The following NPC1L1 variants were observed in gnomAD, a reference collection of about 807,000 sequenced individuals.
NPC1L1 encodes NPC1 like intracellular cholesterol transporter 1.
NPC1L1 carries 98 observed loss-of-function variants against 117.0 expected under a neutral mutation model. That is an observed-to-expected ratio of 0.84 (90% CI 0.71 to 0.99). The LOEUF (loss-of-function observed/expected upper bound fraction) is 0.99, where lower values mean the gene tolerates loss of function less well. Among genes scored for constraint, NPC1L1 ranks in the 50% least tolerant of loss-of-function variants. The pLI, the probability that NPC1L1 is intolerant of heterozygous loss-of-function variation, is 0.00. For synonymous variants in NPC1L1, 729 were observed against 727.6 expected, an observed-to-expected ratio of 1.00 and a Z score of -0.03; for missense variants, 1,540 against 1,710.0, an observed-to-expected ratio of 0.90 and a Z score of 1.75.
In NPC1L1 at chr7:44,533,711, C is replaced by T. The variant is rs80345114; in HGVS notation, c.2281+28G>A. 7.1e-4 allele frequency: 1,137 copies of T among 1,611,290 alleles called. 7 individuals carry two copies. In the African/African-American group the frequency reaches 0.013, roughly 19 times the overall value. On this transcript the variant is annotated intron_variant, in intron 7 of 18. Transcript: ENST00000381160. The stretch of plus-strand genomic sequence containing the variant: ...GGCACTAACCCAGCAAGCCTAATGC[C>T]GAGTGGGGAGGTCTCACCCAGGCTC...
At chr7:44,518,653 A>C (rs1198463293) in intron 14 of NPC1L1, 1 of 1,130,056 alleles carries the variant, frequency 8.8e-7, no homozygotes. Flanking sequence ...TGGGTGACAG[A>C]ATGGCAACTG....
At chr7:44,527,083 TAAAC>T (rs1801539622) in intron 10 of NPC1L1, among the ~76,000 whole-genome samples, 1 of 152,110 alleles carries the variant, frequency 6.6e-6, no homozygotes, top group South Asian at 2.1e-4. Context: ...CATTCTCAGA[TAAAC>T]AAAAGCTGAA....
Position 44,516,929 on chromosome 7 carries a change from G to A in NPC1L1, c.3293C>T (p.Thr1098Ile). The change falls in exon 16 of 19, where the codon ACC becomes ATC. Residue 1098 changes from threonine to isoleucine, a missense_variant. Physicochemically the swap from Thr to Ile is moderately conservative, Grantham distance 89. Transcript: ENST00000381160. ...PAFEVFPYTI[T>I]NVFYEQYLTI... Reference sequence around the variant, plus strand: ...CAGGTACTGCTCATAAAACACATTGGTGATCCTGCCAGAGCACAGAGCATG... The same window carrying A: ...CAGGTACTGCTCATAAAACACATTGATGATCCTGCCAGAGCACAGAGCATG... The A allele has an allele frequency of 6.2e-7, 1 of 1,612,698 alleles. No homozygotes were observed. The highest frequency in any genetic ancestry group is 1.1e-5 in the South Asian group (1 of 90,898).
rs1289699700 is a variant in NPC1L1 at position 44,539,803 on chromosome 7, A to T, written c.594T>A (p.Asn198Lys). 6.2e-7 allele frequency: 1 copy of T among 1,614,124 alleles called. No individual in the cohort carries two copies. Among genetic ancestry groups the T allele is most frequent in the Non-Finnish European group, 8.5e-7 (1 of 1,180,018 alleles). Reference protein sequence around the residue: ...MCGVYGSALCNAQRWLNFQGD... With the variant: ...MCGVYGSALCKAQRWLNFQGD... ...CCTGGAAGTTGAGCCAGCGCTGGGCATTGCAAAGGGCAGAGCCATACACGC... is the reference window on the plus strand; with the variant it reads ...CCTGGAAGTTGAGCCAGCGCTGGGCTTTGCAAAGGGCAGAGCCATACACGC... Residue 198 changes from asparagine to lysine, a missense_variant, in exon 2 of 19, where the codon AAT becomes AAA. Physicochemically the swap from Asn to Lys is moderately conservative, Grantham distance 94. Transcript: ENST00000381160. The surrounding 1 kb of genome is among the most constrained non-coding windows in gnomAD (Gnocchi z 4.4).
Position 44,536,937 on chromosome 7 carries a change from G to T in NPC1L1, c.1586C>A (p.Pro529Gln). 6.2e-7 allele frequency: 1 copy of T among 1,613,654 alleles called. No homozygotes were observed. The highest frequency in any genetic ancestry group is 8.5e-7 in the Non-Finnish European group (1 of 1,179,752). ...KDHFLYCANA[P>Q]LTFKDGTALA... ...GGCTGTGCCATCCTTGAAGGTGAGC[G>T]GGGCACTAGAGGGAGATGACCGCAA... is the stretch of plus-strand genomic sequence containing the variant. The change falls in exon 3 of 19, where the codon CCG becomes CAG. Residue 529 changes from proline (P) to glutamine (Q), a missense_variant. Pro to Gln is a moderately conservative substitution (Grantham distance 76, BLOSUM62 -1). Transcript: ENST00000381160. The surrounding 1 kb of genome is among the most constrained non-coding windows in gnomAD (Gnocchi z 4.7).
intron 11 of NPC1L1, 96 bp from the exon 12 acceptor site, chr7:44,521,932 A>T (rs992295942): frequency 1.9e-5 from 31 of 1,602,712 alleles, no homozygotes; most frequent in Non-Finnish European, 2.6e-5. Flanking sequence ...CCCCAGGCAT[A>T]CGGCAGCAAG....
chr7:44,516,885 G>A lies in NPC1L1; in HGVS notation c.3337C>T (p.Leu1113Phe). The A allele has an allele frequency of 6.2e-7, 1 of 1,614,140 alleles. No homozygotes were observed. The highest frequency in any genetic ancestry group is 1.7e-4 in the Middle Eastern group (1 of 6,004). The change falls in exon 16 of 19, where the codon CTC (leucine) becomes TTC (phenylalanine). Residue 1113 changes from leucine (L) to phenylalanine (F), a missense_variant. Coordinates refer to ENST00000381160, the MANE Select transcript of NPC1L1 (RefSeq NM_001101648.2). Reference sequence around the variant, plus strand: ...ACAAGGCAGAGGCTGAGCATGAAGAGCCCCTCAGGGAGGATGGTCAGGTAC... The same window carrying A: ...ACAAGGCAGAGGCTGAGCATGAAGAACCCCTCAGGGAGGATGGTCAGGTAC... ...EQYLTILPEG[L>F]FMLSLCLVPT...
At chr7:44,524,700 CA>C (rs899418804) in intron 10 of NPC1L1, among the ~76,000 whole-genome samples, 4 of 152,118 alleles carry the variant, frequency 2.6e-5, no homozygotes, top group African/African-American at 9.7e-5. Flanking sequence ...CCCGAGATCA[CA>C]CCATTGCACT....
Position 44,516,158 on chromosome 7 carries a change from G to A in NPC1L1, c.3559C>T (p.Arg1187Cys), listed in dbSNP as rs759846910. 70 of 1,611,572 alleles carry A rather than the reference G, an allele frequency of 4.3e-5. No homozygotes were observed. The highest frequency in any genetic ancestry group is 3.3e-4 in the Middle Eastern group (2 of 6,080). Residue 1187 changes from arginine to cysteine, a missense_variant, in exon 17 of 19, where the codon CGC becomes TGC. Arg to Cys is a radical substitution (Grantham distance 180). Transcript: ENST00000381160. The stretch of plus-strand genomic sequence containing the variant: ...GGCTTGGTGCTGATGGCAAAGGAGC[G>A]GGTAATGTGGGACACAAACTCCACA... ...MSVEFVSHIT[R>C]SFAISTKPTW... is the part of the protein sequence containing the mutation.
Position 44,538,693 on chromosome 7 carries a change from C to T in NPC1L1, c.1580+124G>A. ...TCATCTGGGCGGCCCCAGGCCAGAG[C>T]CGTAGGAATAGCTACCTCTGGTCCT... On this transcript the variant is annotated intron_variant, in intron 2 of 18. Transcript: ENST00000381160. The surrounding 1 kb of genome is among the most constrained non-coding windows in gnomAD (Gnocchi z 5.9). The T allele has an allele frequency of 1.0e-6, 1 of 982,588 alleles. No individual in the cohort carries two copies. Among genetic ancestry groups the T allele is most frequent in the Non-Finnish European group, 1.6e-6 (1 of 621,880 alleles). The allele number at this position is 982,588 out of a possible 1,614,324, so 60.9% of individuals were successfully genotyped here.
In NPC1L1 at chr7:44,539,984, T is replaced by A; in HGVS notation, c.413A>T (p.Asn138Ile). ...TCSPNQSLFI[N>I]VTRVAQLGAG... ...CCCTAGCTGGGCCACGCGGGTCACATTGATGAAGAGGCTCTGATTGGGGCT... is the reference window on the plus strand; with the variant it reads ...CCCTAGCTGGGCCACGCGGGTCACAATGATGAAGAGGCTCTGATTGGGGCT... Residue 138 changes from asparagine (N) to isoleucine (I), a missense_variant, in exon 2 of 19, where the codon AAT (asparagine) becomes ATT (isoleucine). Physicochemically the swap from Asn to Ile is moderately radical, Grantham distance 149. This residue lies in a region of NPC1L1 where 793 missense variants were observed against 820.4 expected (regional missense o/e 0.97). Transcript: ENST00000381160. This position sits in a 1 kb window ranked among gnomAD's most constrained non-coding sequence, Gnocchi z 4.4. 1 of 1,614,100 alleles carries A rather than the reference T, an allele frequency of 6.2e-7. No homozygotes were observed. Among genetic ancestry groups the A allele is most frequent in the African/African-American group, 1.3e-5 (1 of 75,030 alleles).
intron 14 of NPC1L1, chr7:44,518,711 C>T: frequency 1.7e-6 from 2 of 1,197,012 alleles, no homozygotes; most frequent in Non-Finnish European, 2.1e-6. Context: ...GTACAGTGAG[C>T]ATGTGTATCT....
Position 44,521,035 on chromosome 7 carries a change from G to A in NPC1L1, c.3037C>T (p.Pro1013Ser). Residue 1013 changes from proline to serine, a missense_variant, in exon 13 of 19, where the codon CCC (proline) becomes TCC (serine). Pro to Ser is a moderately conservative substitution (Grantham distance 74). This residue lies in a region of NPC1L1 where 742 missense variants were observed against 873.6 expected (regional missense o/e 0.85). Coordinates refer to ENST00000381160, the MANE Select transcript of NPC1L1 (RefSeq NM_001101648.2). ...PSVEQFHKYL[P>S]WFLNDRPNIK... ...TTGGGCCGGTCGTTCAGGAACCAGG[G>A]AAGATACTTATGGAACTGCTCCACC... 6.2e-7 allele frequency: 1 copy of A among 1,614,186 alleles called. No individual in the cohort carries two copies. The highest frequency in any genetic ancestry group is 8.5e-7 in the Non-Finnish European group (1 of 1,180,042).
intron 10 of NPC1L1, among the ~76,000 whole-genome samples, chr7:44,529,579 T>C (rs1801634108): frequency 1.3e-5 from 2 of 151,624 alleles, no homozygotes; most frequent in Non-Finnish European, 2.9e-5. Flanking sequence ...GGTTTCTCCA[T>C]GTTGGTCAAG....
chr7:44,533,164 T>G (rs949879327), intron 8 of NPC1L1: 3 of 382,638 alleles, frequency 7.8e-6, no homozygotes, highest in East Asian at 1.2e-4. Flanking sequence ...TGCCCTAATC[T>G]CCACATTGTT....
At chr7:44,530,471 T>C (rs921185919) in intron 10 of NPC1L1, among the ~76,000 whole-genome samples, 1 of 152,192 alleles carries the variant, frequency 6.6e-6, no homozygotes, top group Non-Finnish European at 1.5e-5. Context: ...GTGGTGATAG[T>C]TGAATAGTAT....
chr7:44,539,727 C>A lies in NPC1L1; in HGVS notation c.670G>T (p.Glu224Ter). 6.2e-7 allele frequency: 1 copy of A among 1,614,124 alleles called. No individual in the cohort carries two copies. The highest frequency in any genetic ancestry group is 8.5e-7 in the Non-Finnish European group (1 of 1,180,024). The change falls in exon 2 of 19, where the codon GAG becomes TAG. Residue 224 changes from glutamate to a stop codon, truncating the protein, a stop_gained. Transcript: ENST00000381160. LOFTEE classifies it high-confidence loss of function. The surrounding 1 kb of genome is among the most constrained non-coding windows in gnomAD (Gnocchi z 4.4). ...APLDITFHLL[E>*]PGQAVGSGIQ... The stretch of plus-strand genomic sequence containing the variant: ...CCACTCCCCACGGCCTGGCCAGGCT[C>A]CAAGAGGTGGAAGGTGATGTCCAGT...
intron 14 of NPC1L1, chr7:44,518,508 A>G (rs963528704): frequency 3.1e-5 from 8 of 254,406 alleles, no homozygotes; most frequent in South Asian, 1.6e-4. Flanking sequence ...GCCTCTATTA[A>G]TAATACAAAA....
At position 44,512,971 on chromosome 7, in the gene NPC1L1, T is replaced by C; in HGVS notation, c.*476A>G. 4.8e-6 allele frequency: 1 copy of C among 208,542 alleles called. No individual in the cohort carries two copies. The highest frequency in any genetic ancestry group is 8.6e-5 in the South Asian group (1 of 11,598). The allele number at this position is 208,542 out of a possible 1,614,324, so 12.9% of individuals were successfully genotyped here. A position where few individuals can be genotyped will look rare whatever the true frequency, so the allele number is the denominator to read the frequency against. On this transcript the variant is annotated 3_prime_UTR_variant, in exon 19 of 19. Transcript: ENST00000381160. ...CCTCCCACAGCGTTGGCTCTTGGCC[T>C]GAGCCTTTGCCTCTCTCTGGCCTCC...
Sources: allele counts gnomAD v4.1 joint callset (sites outside exome capture counted in the v4.1 genomes callset), GRCh38; gene constraint gnomAD v4.1.1; regional missense constraint gnomAD v4.1.1; non-coding constraint Gnocchi (gnomAD v3.1); transcripts MANE v1.5; gene names NCBI Gene and HGNC (gene_info 2026-07-23, HGNC 2026-07-21).